Variants in LSG1 observed in about 807,000 individuals in gnomAD.
LSG1 encodes the protein large subunit GTPase 1 homolog.
In LSG1, 55 loss-of-function variants were observed where a neutral mutation model predicts 82.6. The ratio of observed to expected loss-of-function variants is 0.67; its 90% CI spans 0.54 to 0.83. The LOEUF is 0.83. Among genes scored for constraint, LSG1 ranks in the 40% least tolerant of loss-of-function variants. The pLI is 0.00. For synonymous variants in LSG1, 272 were observed against 282.5 expected (o/e 0.96, Z 0.37); for missense variants, 809 against 807.9 (o/e 1.00, Z -0.02).
Position 194,642,079 on chromosome 3 carries a change from G to C in LSG1, c.1966C>G (p.Leu656Val). Reference protein sequence around the residue: ...KEKSRRLYKHLDM With the variant: ...KEKSRRLYKHVDM ...GTTGCAGCCCAACCTCACATATCCA[G>C]GTGCTTGTAGAGTCTACGACTTTTT... Residue 656 changes from leucine to valine, a missense_variant, in exon 14 of 14, where the codon CTG becomes GTG. Leu to Val is a conservative substitution (Grantham distance 32, BLOSUM62 1). Transcript: ENST00000265245. The C allele has an allele frequency of 1.2e-6, 2 of 1,612,384 alleles. No individual in the cohort carries two copies. The highest frequency in any genetic ancestry group is 1.7e-6 in the Non-Finnish European group (2 of 1,179,976).
At chr3:194,646,415 G>C (rs773048021) in intron 11 of LSG1, 172 bp from the exon 12 acceptor site, 1 of 511,360 alleles carries the variant, frequency 2.0e-6, no homozygotes, top group East Asian at 3.1e-5. Context: ...TAATCCAGGA[G>C]AATATTTACT....
At chr3:194,650,675 T>G (rs1718655094) in intron 10 of LSG1, 5 of 444,680 alleles carry the variant, frequency 1.1e-5, no homozygotes, top group Non-Finnish European at 1.9e-5. Flanking sequence ...GAAACCTGGA[T>G]TCTCCCATTT....
At chr3:194,669,238 C>T (rs546744881) in intron 2 of LSG1, among the ~76,000 whole-genome samples, 24 of 152,232 alleles carry the variant, frequency 1.6e-4, no homozygotes, top group African/African-American at 3.9e-4. Context: ...GTGATGGATA[C>T]GTTAATTACT....
Position 194,642,003 on chromosome 3 carries a change from C to T in LSG1, c.*65G>A. On this transcript the variant is annotated 3_prime_UTR_variant, in exon 14 of 14. Coordinates refer to ENST00000265245, the MANE Select transcript of LSG1 (RefSeq NM_018385.3). ...TAGTGTCTTGGGACGGTTCCACAGG[C>T]AACAGGCAGCTTCTGCTCTTTTCCA... is the stretch of plus-strand genomic sequence containing the variant. The T allele has an allele frequency of 7.1e-6, 11 of 1,552,224 alleles. No individual in the cohort carries two copies. The highest frequency in any genetic ancestry group is 9.6e-6 in the Non-Finnish European group (11 of 1,141,252).
At chr3:194,653,415 T>A (rs529582523) in intron 7 of LSG1, among the ~76,000 whole-genome samples, 1 of 151,720 alleles carries the variant, frequency 6.6e-6, no homozygotes, top group South Asian at 2.1e-4. Flanking sequence ...CTTGGGAGGC[T>A]GAAGCAGGAG....
chr3:194,651,366 T>G (rs1718670994), intron 8 of LSG1, 150 bp from the exon 9 acceptor site: 2 of 627,864 alleles, frequency 3.2e-6, no homozygotes, highest in Non-Finnish European at 5.7e-6. Context: ...TGAGACATCT[T>G]TTTTCTCCTG....
intron 5 of LSG1, among the ~76,000 whole-genome samples, chr3:194,662,757 C>T (rs1237092450): frequency 3.9e-5 from 6 of 152,092 alleles, no homozygotes; most frequent in African/African-American, 1.4e-4. Flanking sequence ...AGCGAAAGTC[C>T]GTCTCAAAAA....
rs534576432 is a variant in LSG1 at position 194,657,037 on chromosome 3, T to C, written c.759+1920A>G. Among the ~76,000 whole-genome samples the C allele has an allele frequency of 9.2e-5, 14 of 152,124 alleles. No individual in the cohort carries two copies. In the South Asian group the frequency reaches 1.2e-3, roughly 14 times the overall value. On this transcript the variant is annotated intron_variant, in intron 7 of 13. Coordinates refer to ENST00000265245, the MANE Select transcript of LSG1 (RefSeq NM_018385.3). ...AGGGGAGGGATAACATTAGGAGATATACCTAATGCTAAATGACAAGTTAAT... is the reference window on the plus strand; with the variant it reads ...AGGGGAGGGATAACATTAGGAGATACACCTAATGCTAAATGACAAGTTAAT...
At chr3:194,656,036 A>G (rs1718782538) in intron 7 of LSG1, among the ~76,000 whole-genome samples, 1 of 152,124 alleles carries the variant, frequency 6.6e-6, no homozygotes, top group Admixed American at 6.5e-5. Flanking sequence ...TAGACCTAAA[A>G]CCATAAAAAC....
At chr3:194,658,797 T>G (rs1173040461) in intron 7 of LSG1, among the ~76,000 whole-genome samples, 160 bp downstream of exon 7, 1 of 152,216 alleles carries the variant, frequency 6.6e-6, no homozygotes, top group East Asian at 1.9e-4. Flanking sequence ...AAAGTAACTT[T>G]GTGATTCACT....
chr3:194,665,497 C>T (rs768555386), intron 5 of LSG1, 60 bp downstream of exon 5: 71 of 1,279,790 alleles, frequency 5.5e-5, no homozygotes, highest in Non-Finnish European at 7.3e-5. Flanking sequence ...ATATCAACAG[C>T]CAAATCGAAT....
intron 1 of LSG1, 126 bp downstream of exon 1, chr3:194,671,938 T>A (rs1719145933): frequency 4.8e-6 from 4 of 831,052 alleles, no homozygotes; most frequent in African/African-American, 3.4e-5. Context: ...TGGCAGAAAC[T>A]CCAACTCATC....
At chr3:194,658,727 T>TA (rs1718857935) in intron 7 of LSG1, among the ~76,000 whole-genome samples, 1 of 152,194 alleles carries the variant, frequency 6.6e-6, no homozygotes. Flanking sequence ...AATTTAAAAA[T>TA]ACAGCTAATA....
chr3:194,657,177 C>A (rs1560225180), intron 7 of LSG1, among the ~76,000 whole-genome samples: 1 of 90,746 alleles, frequency 1.1e-5, no homozygotes. Flanking sequence ...AAAAAAAAGG[C>A]AACCTTAAAA....
Position 194,652,984 on chromosome 3 carries a change from C to A in LSG1, c.918G>T (p.Glu306Asp), listed in dbSNP as rs776871983. ...CCTCCTCCTCTGGACAGTCCTCATA[C>A]TCACTGTCATCTTCATCCGTTGTGG... ...ENPTTDEDDS[E>D]YEDCPEEEED... The change falls in exon 8 of 14, where the codon GAG becomes GAT. Residue 306 changes from glutamate to aspartate, a missense_variant. Transcript: ENST00000265245. The A allele has an allele frequency of 2.1e-5, 34 of 1,614,056 alleles. No homozygotes were observed. Among genetic ancestry groups the A allele is most frequent in the Admixed American group, 6.7e-5 (4 of 60,010 alleles).
At chr3:194,662,256 T>C (rs769664869) in intron 5 of LSG1, among the ~76,000 whole-genome samples, 27 of 152,080 alleles carry the variant, frequency 1.8e-4, no homozygotes, top group African/African-American at 2.7e-4. Flanking sequence ...CCCACCCCAA[T>C]AGCAGAAGGC....
rs1718403642 is a variant in LSG1 at position 194,642,033 on chromosome 3, C to T, written c.*35G>A. The T allele has an allele frequency of 6.2e-7, 1 of 1,604,960 alleles. No individual in the cohort carries two copies. The highest frequency in any genetic ancestry group is 1.7e-5 in the Admixed American group (1 of 59,312). ...GGCAGCTTCTGCTCTTTTCCATCTG[C>T]ACAATGCAGATGACATTTCTGTTGC... is the stretch of plus-strand genomic sequence containing the variant. On this transcript the variant is annotated 3_prime_UTR_variant, in exon 14 of 14. Transcript: ENST00000265245.
At chr3:194,669,949 AACCTC>A (rs1719110030) in intron 2 of LSG1, 55 bp downstream of exon 2, 6 of 1,563,972 alleles carry the variant, frequency 3.8e-6, no homozygotes, top group Middle Eastern at 3.5e-4. Context: ...AAACAAAAAA[AACCTC>A]AGCCCCAGAT....
At chr3:194,650,709 C>T (rs541075740) in intron 10 of LSG1, 172 bp downstream of exon 10, 74 of 618,700 alleles carry the variant, frequency 1.2e-4, no homozygotes, top group African/African-American at 1.1e-3. Flanking sequence ...CTGCTGAAAT[C>T]AGGAAATGAG....
Sources: gnomAD v4.1 joint callset for allele counts (sites outside exome capture counted in the v4.1 genomes callset) on GRCh38, gnomAD v4.1.1 for gene constraint, MANE v1.5 for transcripts, NCBI Gene and HGNC (gene_info 2026-07-23, HGNC 2026-07-21) for gene names.